The following RALGAPA1 variants were observed in gnomAD, a reference collection of about 807,000 sequenced individuals.
The protein encoded by RALGAPA1 is ral GTPase-activating protein subunit alpha-1.
Under a neutral mutation model 269.6 loss-of-function variants are expected in RALGAPA1, and 52 were observed. The ratio of observed to expected loss-of-function variants is 0.19; its 90% CI spans 0.15 to 0.24. The LOEUF (loss-of-function observed/expected upper bound fraction) is 0.24. Ranked by LOEUF, RALGAPA1 falls within the 10% of genes least tolerant of loss-of-function variation. The pLI, the probability that RALGAPA1 is intolerant of heterozygous loss-of-function variation, is 1.00. For missense variants in RALGAPA1, 1,917 were observed against 3,013.9 expected, an observed-to-expected ratio of 0.64 and a Z score of 8.52; for synonymous variants, 817 against 1,008.3, an observed-to-expected ratio of 0.81 and a Z score of 3.60.
At chr14:35,684,105 A>G (rs2065711015) in intron 20 of RALGAPA1, 120 bp from the exon 21 acceptor site, 1 of 704,504 alleles carries the variant, frequency 1.4e-6, no homozygotes, top group South Asian at 2.2e-5. Context: ...CTGTTTACAT[A>G]TCACTCAGAC....
At chr14:35,666,716 A>C (rs2063974855) in intron 26 of RALGAPA1, among the ~76,000 whole-genome samples, 1 of 152,218 alleles carries the variant, frequency 6.6e-6, no homozygotes, top group African/African-American at 2.4e-5. Context: ...CATAATGCAT[A>C]GTATTAGATA....
intron 41 of RALGAPA1, among the ~76,000 whole-genome samples, chr14:35,541,228 G>A (rs530574372): frequency 3.4e-4 from 51 of 151,664 alleles, no homozygotes; most frequent in African/African-American, 1.2e-3. Context: ...TTGTATTTTA[G>A]TAGAGATGGA....
chr14:35,674,585 T>G lies in RALGAPA1; in HGVS notation c.4749A>C (p.Ser1583=). 6.2e-7 allele frequency: 1 copy of G among 1,608,082 alleles called. No homozygotes were observed. The highest frequency in any genetic ancestry group is 8.5e-7 in the Non-Finnish European group (1 of 1,176,578). ...RMLGILGDVN[S]IMDPEIHAQV... is the part of the protein sequence containing the mutation. Reference sequence around the variant, plus strand: ...GAGCATGTATTTCAGGATCCATGATTGAATTTACATCTCCCAAAATGCCTA... The same window carrying G: ...GAGCATGTATTTCAGGATCCATGATGGAATTTACATCTCCCAAAATGCCTA... The change falls in exon 23 of 42, where the codon TCA becomes TCC. Residue 1583 remains serine (S), a synonymous_variant. Transcript: ENST00000680220.
chr14:35,620,154 T>C (rs2060519861), intron 35 of RALGAPA1, among the ~76,000 whole-genome samples: 1 of 152,152 alleles, frequency 6.6e-6, no homozygotes. Flanking sequence ...TCAAAAAGCT[T>C]ATTCACCACG....
At chr14:35,581,057 A>G (rs1032588166) in intron 37 of RALGAPA1, among the ~76,000 whole-genome samples, 2 of 152,178 alleles carry the variant, frequency 1.3e-5, no homozygotes, top group Non-Finnish European at 2.9e-5. Context: ...TCTAGCCTCA[A>G]CTTATTACCA....
chr14:35,620,206 A>G (rs1177356400), intron 35 of RALGAPA1, among the ~76,000 whole-genome samples: 1 of 152,220 alleles, frequency 6.6e-6, no homozygotes, highest in Non-Finnish European at 1.5e-5. Flanking sequence ...ATGGTCCAAC[A>G]TACGCAAATC....
intron 35 of RALGAPA1, among the ~76,000 whole-genome samples, chr14:35,616,638 A>G (rs961797834): frequency 8.5e-5 from 13 of 152,316 alleles, no homozygotes; most frequent in African/African-American, 2.9e-4. Context: ...GGAATGGAGA[A>G]TATATGGAAA....
At chr14:35,643,309 T>C (rs1363375390) in intron 31 of RALGAPA1, among the ~76,000 whole-genome samples, 1 of 152,026 alleles carries the variant, frequency 6.6e-6, no homozygotes, top group African/African-American at 2.4e-5. Context: ...TGTGCACATG[T>C]ACCCTAGAAC....
intron 36 of RALGAPA1, among the ~76,000 whole-genome samples, chr14:35,599,076 TAAGTA>T (rs2059111863): frequency 6.6e-6 from 1 of 152,204 alleles, no homozygotes; most frequent in African/African-American, 2.4e-5. Context: ...TTTACCAGTT[TAAGTA>T]AAGTAACCCT....
At chr14:35,774,319 G>A (rs1201835222) in intron 3 of RALGAPA1, among the ~76,000 whole-genome samples, 3 of 152,060 alleles carry the variant, frequency 2.0e-5, no homozygotes, top group South Asian at 4.2e-4. Flanking sequence ...TACAGGTCTC[G>A]AAATTCTCAG....
intron 11 of RALGAPA1, among the ~76,000 whole-genome samples, chr14:35,740,892 A>T (rs2071486894): frequency 6.6e-6 from 1 of 152,234 alleles, no homozygotes; most frequent in Non-Finnish European, 1.5e-5. Flanking sequence ...TAACTGTAAC[A>T]CCAAAAATTT....
At chr14:35,795,129 T>G (rs528033060) in intron 1 of RALGAPA1, among the ~76,000 whole-genome samples, 13 of 152,056 alleles carry the variant, frequency 8.5e-5, no homozygotes, top group Admixed American at 7.9e-4. Flanking sequence ...GTGAGGAGAG[T>G]GATTTCTGAA....
chr14:35,571,587 T>C (rs2057199995), intron 38 of RALGAPA1, among the ~76,000 whole-genome samples: 1 of 152,034 alleles, frequency 6.6e-6, no homozygotes, highest in Non-Finnish European at 1.5e-5. Context: ...AGACAGGGAA[T>C]TGCTTGAACC....
At chr14:35,808,661 C>T in intron 1 of RALGAPA1, 69 bp downstream of exon 1, 1 of 1,522,702 alleles carries the variant, frequency 6.6e-7, no homozygotes, top group Non-Finnish European at 8.9e-7. Flanking sequence ...AGAGAGAGTC[C>T]GCAGGGGCTC....
At chr14:35,804,205 T>C (rs2077187268) in intron 1 of RALGAPA1, among the ~76,000 whole-genome samples, 1 of 151,712 alleles carries the variant, frequency 6.6e-6, no homozygotes, top group Non-Finnish European at 1.5e-5. Context: ...GACGTTGCAG[T>C]GAGCCAAGAT....
chr14:35,718,837 T>C (rs1301996573), intron 16 of RALGAPA1, among the ~76,000 whole-genome samples: 1 of 143,956 alleles, frequency 6.9e-6, no homozygotes, highest in Admixed American at 6.9e-5. Flanking sequence ...TATAAAAAAA[T>C]GGATTTTTTT....
chr14:35,716,897 A>G (rs1348802561), intron 16 of RALGAPA1, among the ~76,000 whole-genome samples: 1 of 152,188 alleles, frequency 6.6e-6, no homozygotes, highest in South Asian at 2.1e-4. Context: ...AGGTCCCTCC[A>G]TTGTAAAGGT....
At chr14:35,546,021 G>A (rs533840566) in intron 41 of RALGAPA1, among the ~76,000 whole-genome samples, 37 of 152,096 alleles carry the variant, frequency 2.4e-4, no homozygotes, top group African/African-American at 8.4e-4. Context: ...TAAAAGACAA[G>A]AAAAATCTAA....
intron 39 of RALGAPA1, among the ~76,000 whole-genome samples, chr14:35,570,038 G>C (rs1483132797): frequency 6.6e-6 from 1 of 151,140 alleles, no homozygotes; most frequent in East Asian, 2.0e-4. Context: ...GGGAGGCCGA[G>C]GCGGGCGGAT....
Sources: gnomAD v4.1 joint callset for allele counts (sites outside exome capture counted in the v4.1 genomes callset) on GRCh38, gnomAD v4.1.1 for gene constraint, MANE v1.5 for transcripts, NCBI Gene and HGNC (gene_info 2026-07-23, HGNC 2026-07-21) for gene names.